ERBB4: variants seen among roughly 807,000 people sequenced by gnomAD.
ERBB4 encodes the protein receptor tyrosine-protein kinase erbB-4.
In ERBB4, 42 loss-of-function variants were observed where a neutral mutation model predicts 158.0. That is an observed-to-expected ratio of 0.27 (90% CI 0.21 to 0.34). The LOEUF (loss-of-function observed/expected upper bound fraction) is 0.34, where lower values mean the gene tolerates loss of function less well. Ranked by LOEUF, ERBB4 falls within the 10% of genes least tolerant of loss-of-function variation. The pLI is 1.00. For synonymous variants in ERBB4, 583 were observed against 558.7 expected (o/e 1.04, Z -0.61); for missense variants, 1,333 against 1,624.1 (o/e 0.82, Z 3.08).
In ERBB4 at chr2:212,178,995, A is replaced by AATATACAATTAAT. The variant is rs2081767347; in HGVS notation, c.83-54105_83-54093dup. On this transcript the variant is annotated intron_variant, in intron 1 of 27. Coordinates refer to ENST00000342788, the MANE Select transcript of ERBB4 (RefSeq NM_005235.3). The stretch of plus-strand genomic sequence containing the variant: ...GAAATGGCTAGAAATACCACAATCA[A>AATATACAATTAAT]ATATACAATTAATATATAAAAGTAA... Among the ~76,000 whole-genome samples, 3 of 151,838 alleles carry AATATACAATTAAT rather than the reference A, an allele frequency of 2.0e-5. No homozygotes were observed. The South Asian group carries it at 6.2e-4, about 31-fold the overall frequency.
chr2:212,171,325 T>G (rs2081511510), intron 1 of ERBB4, among the ~76,000 whole-genome samples: 1 of 22,494 alleles, frequency 4.4e-5, no homozygotes, highest in East Asian at 2.8e-4. Context: ...AACTAACTTG[T>G]TTTTTTTTTA....
intron 3 of ERBB4, among the ~76,000 whole-genome samples, chr2:211,813,709 G>C (rs770391845): frequency 1.3e-4 from 20 of 151,906 alleles, no homozygotes; most frequent in Non-Finnish European, 2.6e-4. Flanking sequence ...CTTACTTCAA[G>C]AAAGACAGGA....
At chr2:211,626,541 A>G (rs1176268572) in intron 17 of ERBB4, among the ~76,000 whole-genome samples, 1 of 152,164 alleles carries the variant, frequency 6.6e-6, no homozygotes, top group Non-Finnish European at 1.5e-5. Context: ...ACTAAGAAAA[A>G]GATAGGGATT....
chr2:212,503,147 G>A (rs1690990276), intron 1 of ERBB4, among the ~76,000 whole-genome samples: 1 of 152,168 alleles, frequency 6.6e-6, no homozygotes, highest in Non-Finnish European at 1.5e-5. Flanking sequence ...AGAAACATCT[G>A]CATTGAACTG....
intron 3 of ERBB4, among the ~76,000 whole-genome samples, chr2:211,857,988 C>A (rs533493678): frequency 1.3e-5 from 2 of 152,198 alleles, no homozygotes; most frequent in South Asian, 2.1e-4. Context: ...ATAGATGGCA[C>A]GATGAATGTA....
At chr2:211,822,862 G>T (rs2077023645) in intron 3 of ERBB4, among the ~76,000 whole-genome samples, 1 of 151,942 alleles carries the variant, frequency 6.6e-6, no homozygotes, top group Admixed American at 6.6e-5. Context: ...TTGGTTTTAG[G>T]CTGGGCCCTA....
chr2:211,921,964 C>T (rs1559106333), intron 3 of ERBB4, among the ~76,000 whole-genome samples: 1 of 151,960 alleles, frequency 6.6e-6, no homozygotes, highest in African/African-American at 2.4e-5. Context: ...CTGTTATTTC[C>T]AGCAGCATGA....
intron 3 of ERBB4, among the ~76,000 whole-genome samples, chr2:211,926,490 C>A (rs966278042): frequency 6.6e-6 from 1 of 152,030 alleles, no homozygotes; most frequent in Admixed American, 6.6e-5. Context: ...TTATAGACAG[C>A]AACACATTTT....
At chr2:211,386,757 G>T in intron 27 of ERBB4, 96 bp downstream of exon 27, 1 of 1,198,676 alleles carries the variant, frequency 8.3e-7, no homozygotes, top group Non-Finnish European at 1.2e-6. Context: ...CAAATGTTGT[G>T]CTGGTCAGCT....
At chr2:212,344,619 T>TA (rs1418597516) in intron 1 of ERBB4, among the ~76,000 whole-genome samples, 4 of 256 alleles carry the variant, frequency 0.016, no homozygotes, top group East Asian at 0.069. Context: ...AAGAAAAATG[T>TA]TTTTTCTTTT....
chr2:211,743,377 C>T (rs2074856161), intron 5 of ERBB4, among the ~76,000 whole-genome samples: 1 of 152,084 alleles, frequency 6.6e-6, no homozygotes, highest in African/African-American at 2.4e-5. Context: ...AACACCAGGT[C>T]TAGCAGGACA....
intron 1 of ERBB4, among the ~76,000 whole-genome samples, chr2:212,435,747 AT>A: frequency 1.3e-5 from 2 of 152,048 alleles, no homozygotes; most frequent in East Asian, 3.9e-4. Context: ...TATTATTTAG[AT>A]AAGAAAACAT....
At chr2:211,838,953 A>G (rs1325065771) in intron 3 of ERBB4, among the ~76,000 whole-genome samples, 1 of 152,158 alleles carries the variant, frequency 6.6e-6, no homozygotes, top group Non-Finnish European at 1.5e-5. Context: ...GCAAGAAAAA[A>G]GAAAAGCAGA....
At chr2:212,049,496 G>C (rs2125391691) in intron 2 of ERBB4, among the ~76,000 whole-genome samples, 1 of 152,116 alleles carries the variant, frequency 6.6e-6, no homozygotes, top group African/African-American at 2.4e-5. Context: ...CAGGCTTTTT[G>C]TATTGGGTCT....
chr2:211,739,672 T>A (rs955387069), intron 5 of ERBB4, among the ~76,000 whole-genome samples: 1 of 152,208 alleles, frequency 6.6e-6, no homozygotes, highest in Non-Finnish European at 1.5e-5. Flanking sequence ...AGTTTCACCA[T>A]TTTGACCAGG....
intron 2 of ERBB4, among the ~76,000 whole-genome samples, chr2:212,063,464 A>G (rs1242019129): frequency 6.6e-6 from 1 of 152,102 alleles, no homozygotes; most frequent in Non-Finnish European, 1.5e-5. Context: ...CATGATTCCT[A>G]CTTCACTAAA....
At chr2:211,433,596 T>TA (rs1452146349) in intron 20 of ERBB4, among the ~76,000 whole-genome samples, 1 of 149,402 alleles carries the variant, frequency 6.7e-6, no homozygotes, top group African/African-American at 2.5e-5. Context: ...TAAAATAAAA[T>TA]AAAAAAAGGG....
chr2:212,075,265 A>G (rs1352178529), intron 2 of ERBB4, among the ~76,000 whole-genome samples: 1 of 151,956 alleles, frequency 6.6e-6, no homozygotes, highest in Non-Finnish European at 1.5e-5. Context: ...TTATTGTGTA[A>G]GAAAGTTTTA....
chr2:211,761,457 AT>A (rs1224009699), intron 4 of ERBB4, among the ~76,000 whole-genome samples: 3 of 151,850 alleles, frequency 2.0e-5, no homozygotes, highest in Middle Eastern at 3.2e-3. Flanking sequence ...ATCAGAAATT[AT>A]TTTTTCTTTT....
Sources: gnomAD v4.1 joint callset for allele counts (sites outside exome capture counted in the v4.1 genomes callset) on GRCh38, gnomAD v4.1.1 for gene constraint, MANE v1.5 for transcripts, NCBI Gene and HGNC (gene_info 2026-07-23, HGNC 2026-07-21) for gene names.